DYRK1A: variants seen among roughly 807,000 people sequenced by gnomAD.
DYRK1A encodes the protein dual specificity tyrosine-phosphorylation-regulated kinase 1A.
In DYRK1A, 9 loss-of-function variants were observed where a neutral mutation model predicts 79.7. The observed-to-expected ratio is 0.11, with a 90% CI of 0.07 to 0.20. The LOEUF is 0.20. Among genes scored for constraint, DYRK1A ranks in the 10% least tolerant of loss-of-function variants. The pLI is 1.00. For synonymous variants in DYRK1A, 349 were observed against 329.7 expected, an observed-to-expected ratio of 1.06 and a Z score of -0.63; for missense variants, 622 against 956.0, an observed-to-expected ratio of 0.65 and a Z score of 4.61.
At chr21:37,433,244 C>T (rs2050828730) in intron 2 of DYRK1A, among the ~76,000 whole-genome samples, 1 of 152,136 alleles carries the variant, frequency 6.6e-6, no homozygotes, top group African/African-American at 2.4e-5. Context: ...GCATCTGTCA[C>T]TAGGCAGATG....
intron 3 of DYRK1A, 142 bp downstream of exon 3, chr21:37,473,022 GAA>G: frequency 2.4e-6 from 1 of 409,316 alleles, no homozygotes; most frequent in African/African-American, 3.2e-5. Context: ...AACATGTTAA[GAA>G]GTTTGCATTA....
At chr21:37,430,645 G>A (rs1387557789) in intron 2 of DYRK1A, among the ~76,000 whole-genome samples, 2 of 152,202 alleles carry the variant, frequency 1.3e-5, no homozygotes, top group African/African-American at 4.8e-5. Context: ...TATTTAGCGA[G>A]TGTGAGCCCT....
chr21:37,418,195 T>TTAAA (rs2050395110), intron 1 of DYRK1A, among the ~76,000 whole-genome samples: 1 of 152,168 alleles, frequency 6.6e-6, no homozygotes, highest in Admixed American at 6.5e-5. Context: ...GAGTCCTTAT[T>TTAAA]TAAAGTAATC....
intron 9 of DYRK1A, among the ~76,000 whole-genome samples, chr21:37,500,172 G>C (rs532745304): frequency 3.9e-4 from 60 of 152,088 alleles, no homozygotes; most frequent in Non-Finnish European, 7.8e-4. Context: ...TCAACTGTAT[G>C]TCTTTTTTGC....
chr21:37,480,406 T>C (rs1398333374), intron 4 of DYRK1A, among the ~76,000 whole-genome samples: 1 of 152,214 alleles, frequency 6.6e-6, no homozygotes, highest in Non-Finnish European at 1.5e-5. Context: ...CCTTTTACTT[T>C]TCTTGAATGG....
intron 2 of DYRK1A, among the ~76,000 whole-genome samples, chr21:37,466,157 C>G (rs1195058270): frequency 6.6e-6 from 1 of 152,128 alleles, no homozygotes; most frequent in Non-Finnish European, 1.5e-5. Flanking sequence ...ACAGAATTAC[C>G]CATCTTTCCT....
At chr21:37,492,068 C>T (rs2053115808) in intron 7 of DYRK1A, among the ~76,000 whole-genome samples, 1 of 152,174 alleles carries the variant, frequency 6.6e-6, no homozygotes, top group East Asian at 1.9e-4. Flanking sequence ...AAATAAAAGT[C>T]TCAGGAGTGG....
intron 1 of DYRK1A, among the ~76,000 whole-genome samples, chr21:37,418,423 A>G (rs1015188578): frequency 2.0e-5 from 3 of 152,220 alleles, no homozygotes; most frequent in Non-Finnish European, 2.9e-5. Context: ...ACAATTTTTA[A>G]TAAAGAATAC....
chr21:37,479,291 C>G (rs1166141062), intron 4 of DYRK1A, among the ~76,000 whole-genome samples: 1 of 152,092 alleles, frequency 6.6e-6, no homozygotes, highest in Non-Finnish European at 1.5e-5. Context: ...TAAACATGTT[C>G]CAGACTAGCT....
At position 37,514,885 on chromosome 21, in the gene DYRK1A, C is replaced by T. The variant is rs2148667645; in HGVS notation, c.*2354C>T. 6.6e-6 allele frequency: 1 copy of T among 152,578 alleles called. No homozygotes were observed. Among genetic ancestry groups the T allele is most frequent in the Non-Finnish European group, 1.5e-5 (1 of 67,996 alleles). 9.5% of individuals were successfully genotyped at this position (152,578 alleles called of 1,614,324 possible). On this transcript the variant is annotated 3_prime_UTR_variant, in exon 12 of 12. Transcript: ENST00000647188. The stretch of plus-strand genomic sequence containing the variant: ...CCACATCTTAGCAAGCACCAAAAAA[C>T]TAAAGCAGTTTTTAAACCGATATTT...
chr21:37,406,729 A>G (rs368903947), intron 1 of DYRK1A, among the ~76,000 whole-genome samples: 2 of 88,202 alleles, frequency 2.3e-5, no homozygotes, highest in East Asian at 3.1e-4. Flanking sequence ...AATTATATCT[A>G]TGTATATCTC....
At chr21:37,371,533 T>C (rs949765971) in intron 1 of DYRK1A, among the ~76,000 whole-genome samples, 13 of 152,230 alleles carry the variant, frequency 8.5e-5, no homozygotes, top group African/African-American at 2.9e-4. Context: ...GTTTTGCTAA[T>C]GTAGAACCAT....
intron 5 of DYRK1A, among the ~76,000 whole-genome samples, chr21:37,484,176 T>G (rs1282219354): frequency 3.3e-5 from 5 of 152,248 alleles, no homozygotes; most frequent in African/African-American, 1.2e-4. Context: ...TAATGCCTAA[T>G]GATGTGAGGC....
rs371236817 is a variant in DYRK1A, at chr21:37,472,478, G to T, written c.11-206G>T. Reference sequence around the variant, plus strand: ...TTTTCTGAAGATTTTCTCAATACAAGTTTATATTCATTTTAATCACTATGG... The same window carrying T: ...TTTTCTGAAGATTTTCTCAATACAATTTTATATTCATTTTAATCACTATGG... On this transcript the variant is annotated intron_variant, in intron 2 of 11. Coordinates refer to ENST00000647188, the MANE Select transcript of DYRK1A (RefSeq NM_001347721.2). 1.2e-4 allele frequency among the ~76,000 whole-genome samples: 18 copies of T among 152,256 alleles called. No individual in the cohort carries two copies. In the East Asian group the frequency reaches 1.3e-3, roughly 11 times the overall value.
intron 2 of DYRK1A, among the ~76,000 whole-genome samples, chr21:37,441,635 T>A (rs560638363): frequency 3.9e-5 from 6 of 152,286 alleles, no homozygotes; most frequent in African/African-American, 1.4e-4. Flanking sequence ...ACTTCACGTA[T>A]AGTGTATTGA....
rs747231408 is a variant in DYRK1A, at chr21:37,404,194, A to G, written c.-76-16105A>G. ...AAACAAATATAAATTGATGTAAGGA[A>G]TTGGCTCACGTGACAGTGGAGGCTG... On this transcript the variant is annotated intron_variant, in intron 1 of 11. Transcript: ENST00000647188. 1.3e-4 allele frequency among the ~76,000 whole-genome samples: 20 copies of G among 152,190 alleles called. 1 individual carries two copies. Among genetic ancestry groups the G allele is most frequent in the Non-Finnish European group, 2.6e-4 (18 of 68,034 alleles).
chr21:37,466,499 C>G (rs539226942), intron 2 of DYRK1A, among the ~76,000 whole-genome samples: 2 of 152,062 alleles, frequency 1.3e-5, no homozygotes, highest in Non-Finnish European at 2.9e-5. Flanking sequence ...ACAGCTCAAC[C>G]ACATACTCTT....
intron 2 of DYRK1A, among the ~76,000 whole-genome samples, chr21:37,433,421 T>A (rs1258263085): frequency 6.6e-6 from 1 of 152,220 alleles, no homozygotes; most frequent in South Asian, 2.1e-4. Context: ...AGGATTGCTT[T>A]ATCTATATGG....
At chr21:37,488,207 G>C (rs2052943808) in intron 6 of DYRK1A, 1 of 266,002 alleles carries the variant, frequency 3.8e-6, no homozygotes, top group Non-Finnish European at 5.8e-6. Flanking sequence ...AGTTATTACA[G>C]ATACTCTTTG....
Sources: gnomAD v4.1 joint callset for allele counts (sites outside exome capture counted in the v4.1 genomes callset) on GRCh38, gnomAD v4.1.1 for gene constraint, MANE v1.5 for transcripts, NCBI Gene and HGNC (gene_info 2026-07-23, HGNC 2026-07-21) for gene names.